Variants in HTATIP2 observed in about 807,000 individuals in gnomAD.
HTATIP2 encodes the protein HIV-1 Tat interactive protein 2, also known as protein HTATIP2.
HTATIP2 carries 26 observed loss-of-function variants against 24.7 expected under a neutral mutation model. The observed-to-expected ratio is 1.05, with a 90% CI of 0.77 to 1.46. The LOEUF (loss-of-function observed/expected upper bound fraction) is 1.46. Among genes scored for constraint, HTATIP2 ranks in the 40% most tolerant of loss-of-function variants. The probability of loss-of-function intolerance (pLI) is 0.00; values close to 1 mark genes in which losing one functional copy is unlikely to be tolerated. For synonymous variants in HTATIP2, 99 were observed against 113.2 expected, an observed-to-expected ratio of 0.87 and a Z score of 0.79; for missense variants, 284 against 289.6, an observed-to-expected ratio of 0.98 and a Z score of 0.14.
intron 4 of HTATIP2, 56 bp downstream of exon 4, chr11:20,382,295 T>A: frequency 1.0e-6 from 1 of 980,062 alleles, no homozygotes; most frequent in Non-Finnish European, 1.6e-6. Flanking sequence ...AATCCCTAGA[T>A]ACTAATTTTT....
intron 1 of HTATIP2, among the ~76,000 whole-genome samples, chr11:20,365,022 C>A (rs1057325870): frequency 3.1e-4 from 45 of 147,120 alleles, no homozygotes; most frequent in African/African-American, 1.1e-3. Context: ...CTCACTCTGT[C>A]CCCCAGGCTG....
At chr11:20,379,958 C>T (rs1207622001) in intron 3 of HTATIP2, among the ~76,000 whole-genome samples, 3 of 152,164 alleles carry the variant, frequency 2.0e-5, no homozygotes, top group Non-Finnish European at 4.4e-5. Flanking sequence ...AAAGGTGTGT[C>T]GGGTGAAGTC....
In HTATIP2 at chr11:20,363,818, G is replaced by C. The variant is rs540082656; in HGVS notation, c.-420G>C. 3.6e-5 allele frequency: 45 copies of C among 1,245,150 alleles called. No individual in the cohort carries two copies. The highest frequency in any genetic ancestry group is 8.0e-5 in the South Asian group (2 of 24,952). 77.1% of individuals were successfully genotyped at this position (1,245,150 alleles called of 1,614,324 possible). On this transcript the variant is annotated 5_prime_UTR_variant, in exon 1 of 5. Transcript: ENST00000451739. ...GGGAAGGTGGGATGCTCTGATGGCC[G>C]GGCCTGCGGCGCTGAGCGCGGCGGC...
intron 2 of HTATIP2, 50 bp downstream of exon 2, chr11:20,367,331 G>A (rs199547698): frequency 6.2e-7 from 1 of 1,612,710 alleles, no homozygotes; most frequent in Admixed American, 1.7e-5. Flanking sequence ...GTAATATCAA[G>A]GATTCTTTTC....
At chr11:20,371,632 G>T (rs187302930) in intron 2 of HTATIP2, among the ~76,000 whole-genome samples, 4 of 151,680 alleles carry the variant, frequency 2.6e-5, no homozygotes, top group Admixed American at 2.6e-4. Context: ...ACAGGGTTTT[G>T]CCATGCTTCC....
At chr11:20,367,318 C>T (rs780156324) in intron 2 of HTATIP2, 37 bp downstream of exon 2, 2 of 1,613,146 alleles carry the variant, frequency 1.2e-6, no homozygotes, top group African/African-American at 1.3e-5. Context: ...TTTTTGCTGG[C>T]CAGTAATATC....
Position 20,376,730 on chromosome 11 carries a change from T to G in HTATIP2, c.441+13T>G, listed in dbSNP as rs373122823. 2.8e-5 allele frequency: 44 copies of G among 1,595,086 alleles called. No homozygotes were observed. Among genetic ancestry groups the G allele is most frequent in the Non-Finnish European group, 3.3e-5 (39 of 1,173,318 alleles). On this transcript the variant is annotated intron_variant, in intron 3 of 4. Coordinates refer to ENST00000451739, the MANE Select transcript of HTATIP2 (RefSeq NM_001098522.2). The stretch of plus-strand genomic sequence containing the variant: ...TCTACAAGTTAAGGTTTGTGCAAGT[T>G]TCTGTTTTTCATACACTTTGGAGAA...
chr11:20,372,840 A>G (rs2064785901), intron 2 of HTATIP2, among the ~76,000 whole-genome samples: 1 of 152,028 alleles, frequency 6.6e-6, no homozygotes, highest in Non-Finnish European at 1.5e-5. Context: ...AATCTTCCTC[A>G]CTCCAGAGAA....
At chr11:20,378,205 C>T (rs1482052451) in intron 3 of HTATIP2, among the ~76,000 whole-genome samples, 1 of 152,080 alleles carries the variant, frequency 6.6e-6, no homozygotes, top group Non-Finnish European at 1.5e-5. Flanking sequence ...TATTTTGAAC[C>T]AGATGAAGAT....
chr11:20,370,271 T>A (rs546124516), intron 2 of HTATIP2, among the ~76,000 whole-genome samples: 1 of 152,218 alleles, frequency 6.6e-6, no homozygotes, highest in Non-Finnish European at 1.5e-5. Context: ...AAATAGCCTT[T>A]GAAAACCAGA....
At chr11:20,364,954 C>G (rs2133261133) in intron 1 of HTATIP2, among the ~76,000 whole-genome samples, 2 of 150,752 alleles carry the variant, frequency 1.3e-5, no homozygotes, top group Middle Eastern at 3.5e-3. Flanking sequence ...GTCTGTAAAT[C>G]GGATATTCCC....
chr11:20,370,540 C>T (rs961867381), intron 2 of HTATIP2, among the ~76,000 whole-genome samples: 4 of 151,450 alleles, frequency 2.6e-5, no homozygotes, highest in Admixed American at 2.0e-4. Context: ...TGGCCCATCT[C>T]ATTAGAACCT....
In HTATIP2 at chr11:20,367,112, AG is replaced by A. The variant is rs2064717597; in HGVS notation, c.196-57del. On this transcript the variant is annotated intron_variant, in intron 1 of 4. Coordinates refer to ENST00000451739, the MANE Select transcript of HTATIP2 (RefSeq NM_001098522.2). ...TCTGTAACTTAGTCTTTAAATCTAG[AG>A]GGGGTTTTTGGTCTGTTGTTTAAAT... is the stretch of plus-strand genomic sequence containing the variant. 1.0e-5 allele frequency: 16 copies of A among 1,580,890 alleles called. No homozygotes were observed. In the South Asian group the frequency reaches 1.8e-4, roughly 18 times the overall value.
intron 3 of HTATIP2, among the ~76,000 whole-genome samples, chr11:20,381,238 A>G (rs1424776624): frequency 6.6e-6 from 1 of 152,152 alleles, no homozygotes; most frequent in Non-Finnish European, 1.5e-5. Flanking sequence ...CAGGAGTTCG[A>G]GACCAGCCTG....
intron 2 of HTATIP2, among the ~76,000 whole-genome samples, chr11:20,372,924 G>C (rs1286115987): frequency 6.6e-6 from 1 of 152,132 alleles, no homozygotes; most frequent in Non-Finnish European, 1.5e-5. Context: ...TTTGAAAGCT[G>C]TTGACCCTTT....
At chr11:20,366,624 G>T (rs988670313) in intron 1 of HTATIP2, among the ~76,000 whole-genome samples, 1 of 152,050 alleles carries the variant, frequency 6.6e-6, no homozygotes, top group African/African-American at 2.4e-5. Context: ...AACTATTGGT[G>T]TGGGATGTAG....
Position 20,363,731 on chromosome 11 carries a change from A to C in HTATIP2, c.-507A>C. On this transcript the variant is annotated 5_prime_UTR_variant, in exon 1 of 5. Transcript: ENST00000451739. ...GGCGAGGCAGCGTCGCCGCGAGGCC[A>C]CCCGGAAGACCAAGCCGGGTAGGCG... The C allele has an allele frequency of 8.1e-7, 1 of 1,231,826 alleles. No individual in the cohort carries two copies. The highest frequency in any genetic ancestry group is 1.0e-6 in the Non-Finnish European group (1 of 985,888). The allele number at this position is 1,231,826 out of a possible 1,614,324, so 76.3% of individuals were successfully genotyped here. A position where few individuals can be genotyped will look rare whatever the true frequency, so the allele number is the denominator to read the frequency against.
At chr11:20,381,621 G>A (rs981980026) in intron 3 of HTATIP2, among the ~76,000 whole-genome samples, 6 of 152,138 alleles carry the variant, frequency 3.9e-5, no homozygotes, top group African/African-American at 1.4e-4. Flanking sequence ...CTTTGGAAGT[G>A]CCTGTGGGCT....
At chr11:20,376,804 A>G (rs1848454218) in intron 3 of HTATIP2, 87 bp downstream of exon 3, 3 of 983,024 alleles carry the variant, frequency 3.1e-6, no homozygotes, top group African/African-American at 3.3e-5. Context: ...ATATAATACA[A>G]AAACCATCAA....
Sources: gnomAD v4.1 joint callset for allele counts (sites outside exome capture counted in the v4.1 genomes callset) on GRCh38, gnomAD v4.1.1 for gene constraint, MANE v1.5 for transcripts, NCBI Gene and HGNC (gene_info 2026-07-23, HGNC 2026-07-21) for gene names.